LUC7L3: variants seen among roughly 807,000 people sequenced by gnomAD.
LUC7L3 encodes the protein luc7-like protein 3.
A neutral mutation model predicts 66.8 loss-of-function variants in LUC7L3; 6 were observed. The observed-to-expected ratio is 0.09, with a 90% CI of 0.05 to 0.18. The LOEUF (loss-of-function observed/expected upper bound fraction) is 0.18. LUC7L3 is among the 10% of genes least tolerant of loss of function. The pLI, the probability that LUC7L3 is intolerant of heterozygous loss-of-function variation, is 1.00. For missense variants in LUC7L3, 341 were observed against 531.1 expected (o/e 0.64, Z 3.52); for synonymous variants, 160 against 174.7 (o/e 0.92, Z 0.66).
At chr17:50,735,707 A>T (rs1969940017) in intron 1 of LUC7L3, among the ~76,000 whole-genome samples, 1 of 151,904 alleles carries the variant, frequency 6.6e-6, no homozygotes, top group East Asian at 1.9e-4. Context: ...CATGTTGCCC[A>T]AGCCGGTCTC....
chr17:50,738,181 T>C (rs962584237), intron 2 of LUC7L3: 8 of 455,660 alleles, frequency 1.8e-5, no homozygotes, highest in Non-Finnish European at 3.1e-5. Context: ...GAACAGTTCC[T>C]GAGAAGTGAT....
At chr17:50,744,512 TGTA>T (rs1429784553) in intron 6 of LUC7L3, 137 bp from the exon 7 acceptor site, 17 of 721,558 alleles carry the variant, frequency 2.4e-5, no homozygotes, top group Non-Finnish European at 3.5e-5. Flanking sequence ...GTTGACCACT[TGTA>T]GTCCAATATT....
rs994751295 is a variant in LUC7L3, at chr17:50,752,813, C to G, written c.*2152C>G. 3.3e-5 allele frequency: 5 copies of G among 152,102 alleles called. No individual in the cohort carries two copies. The highest frequency in any genetic ancestry group is 7.4e-5 in the Non-Finnish European group (5 of 68,014). The allele number at this position is 152,102 out of a possible 1,614,324, so 9.4% of individuals were successfully genotyped here. A position where few individuals can be genotyped will look rare whatever the true frequency, so the allele number is the denominator to read the frequency against. ...TTTAAGACTAATTTTTATAGACTTT[C>G]TAATGTTTTAAATAATGGTGCTTCA... On this transcript the variant is annotated 3_prime_UTR_variant, in exon 10 of 10. Transcript: ENST00000505658.
At chr17:50,745,639 A>G in intron 7 of LUC7L3, 81 bp from the exon 8 acceptor site, 1 of 1,105,882 alleles carries the variant, frequency 9.0e-7, no homozygotes, top group Non-Finnish European at 1.3e-6. Context: ...GTTGGTCTAC[A>G]GATAACTTCA....
chr17:50,731,878 G>A (rs764262540), intron 1 of LUC7L3, among the ~76,000 whole-genome samples: 4 of 152,180 alleles, frequency 2.6e-5, no homozygotes, highest in Non-Finnish European at 5.9e-5. Context: ...ATAATGTGCA[G>A]CGGACAGGTC....
At chr17:50,733,419 T>TTG (rs1969762754) in intron 1 of LUC7L3, among the ~76,000 whole-genome samples, 1 of 146,886 alleles carries the variant, frequency 6.8e-6, no homozygotes, top group African/African-American at 2.5e-5. Flanking sequence ...TTTTTTTTTT[T>TTG]GAGACAGAGT....
intron 1 of LUC7L3, among the ~76,000 whole-genome samples, chr17:50,730,805 TG>T (rs1567861625): frequency 6.6e-6 from 1 of 151,922 alleles, no homozygotes; most frequent in Non-Finnish European, 1.5e-5. Context: ...CCAGGCATTG[TG>T]GTATGCTCCT....
At chr17:50,729,542 G>A (rs986899117) in intron 1 of LUC7L3, among the ~76,000 whole-genome samples, 1 of 151,964 alleles carries the variant, frequency 6.6e-6, no homozygotes, top group African/African-American at 2.4e-5. Context: ...ACTAACCCTG[G>A]ACAAGATCCC....
At chr17:50,731,028 G>T (rs537997548) in intron 1 of LUC7L3, among the ~76,000 whole-genome samples, 423 of 128,096 alleles carry the variant, frequency 3.3e-3, no homozygotes, top group Non-Finnish European at 5.3e-3. Flanking sequence ...TTATGATTAT[G>T]TAGGTATTTA....
intron 1 of LUC7L3, among the ~76,000 whole-genome samples, chr17:50,734,106 C>G (rs944524305): frequency 6.6e-6 from 1 of 151,706 alleles, no homozygotes. Context: ...AGCATATAGT[C>G]TTTTTAAAAT....
chr17:50,726,692 C>A (rs1355580571), intron 1 of LUC7L3, among the ~76,000 whole-genome samples: 2 of 152,210 alleles, frequency 1.3e-5, no homozygotes, highest in Non-Finnish European at 2.9e-5. Flanking sequence ...TTGATAAATA[C>A]AGCACTGTAA....
rs1413867273 is a variant in LUC7L3, at chr17:50,752,013, A to C, written c.*1352A>C. On this transcript the variant is annotated 3_prime_UTR_variant, in exon 10 of 10. Coordinates refer to ENST00000505658, the MANE Select transcript of LUC7L3 (RefSeq NM_016424.5). Reference sequence around the variant, plus strand: ...GGTTATGTCTGTGTATGTCATTCACACTTAGGCAAGCATACACAGGCACAT... The same window carrying C: ...GGTTATGTCTGTGTATGTCATTCACCCTTAGGCAAGCATACACAGGCACAT... 9.1e-7 allele frequency: 1 copy of C among 1,097,826 alleles called. No homozygotes were observed. Among genetic ancestry groups the C allele is most frequent in the African/African-American group, 1.7e-5 (1 of 59,066 alleles). The allele number at this position is 1,097,826 out of a possible 1,614,324, so 68.0% of individuals were successfully genotyped here.
In LUC7L3 at chr17:50,737,355, G is replaced by T. The variant is rs139011669; in HGVS notation, c.166+329G>T. On this transcript the variant is annotated intron_variant, in intron 2 of 9. Transcript: ENST00000505658. ...TTTGGAAGATGACAAGTGGATGGAG[G>T]AGTAGCAGCAAACGCAACAGAGCAG... 1.9e-3 allele frequency: 913 copies of T among 477,278 alleles called. 2 individuals carry two copies. The highest frequency in any genetic ancestry group is 9.7e-3 in the Middle Eastern group (31 of 3,200). The allele number at this position is 477,278 out of a possible 1,614,324, so 29.6% of individuals were successfully genotyped here.
Position 50,742,920 on chromosome 17 carries a change from CAATATGGGTGGATCTTAAAAT to C in LUC7L3, c.427-782_427-762del, listed in dbSNP as rs1207164224. Among the ~76,000 whole-genome samples, 5 of 152,240 alleles carry C rather than the reference CAATATGGGTGGATCTTAAAAT, an allele frequency of 3.3e-5. No homozygotes were observed. The East Asian group carries it at 9.6e-4, about 29-fold the overall frequency. On this transcript the variant is annotated intron_variant, in intron 5 of 9. Transcript: ENST00000505658. ...ATAAAAGGGAATTAGCTACATGAGA[CAATATGGGTGGATCTTAAAAT>C]AATTAGGCTGAGTGAAAGAAGCCGG...
Position 50,741,651 on chromosome 17 carries a change from C to A in LUC7L3, c.352-6C>A. 1.2e-6 allele frequency: 2 copies of A among 1,607,468 alleles called. No homozygotes were observed. The highest frequency in any genetic ancestry group is 2.2e-5 in the South Asian group (2 of 90,826). On this transcript the variant is annotated splice_polypyrimidine_tract_variant and splice_region_variant and intron_variant, in intron 4 of 9. Coordinates refer to ENST00000505658, the MANE Select transcript of LUC7L3 (RefSeq NM_016424.5). ...TGTTGGTAATACGTTTTATTGTCTTCAATAGGCCGCTGGCCCAACAGGCAA... is the reference window on the plus strand; with the variant it reads ...TGTTGGTAATACGTTTTATTGTCTTAAATAGGCCGCTGGCCCAACAGGCAA...
At chr17:50,723,134 T>A (rs1230944893) in intron 1 of LUC7L3, 1 of 152,230 alleles carries the variant, frequency 6.6e-6, no homozygotes, top group Non-Finnish European at 1.5e-5. Flanking sequence ...ATCGGGAGTT[T>A]TGTTATTTTT....
At chr17:50,728,599 C>T (rs2146703856) in intron 1 of LUC7L3, among the ~76,000 whole-genome samples, 1 of 152,216 alleles carries the variant, frequency 6.6e-6, no homozygotes, top group Non-Finnish European at 1.5e-5. Flanking sequence ...GTTGTCTAGG[C>T]CGGAGTGCAG....
intron 2 of LUC7L3, among the ~76,000 whole-genome samples, chr17:50,738,593 T>G (rs1226690336): frequency 6.6e-6 from 1 of 152,104 alleles, no homozygotes; most frequent in East Asian, 1.9e-4. Flanking sequence ...GAAAAACAGC[T>G]CTTAGAAATT....
chr17:50,737,313 A>G, intron 2 of LUC7L3: 1 of 520,308 alleles, frequency 1.9e-6, no homozygotes, highest in Non-Finnish European at 3.7e-6. Context: ...AGATAACATT[A>G]GAGATGTCAG....
Sources: allele counts gnomAD v4.1 joint callset (sites outside exome capture counted in the v4.1 genomes callset), GRCh38; gene constraint gnomAD v4.1.1; transcripts MANE v1.5; gene names NCBI Gene and HGNC (gene_info 2026-07-23, HGNC 2026-07-21).